CAST: variants seen among roughly 807,000 people sequenced by gnomAD.
The protein encoded by CAST is MIR583 host.
In CAST, 76 loss-of-function variants were observed where a neutral mutation model predicts 119.6. The ratio of observed to expected loss-of-function variants is 0.64; its 90% CI spans 0.53 to 0.77. CAST has a LOEUF of 0.77. CAST is among the 30% of genes least tolerant of loss of function. The pLI is 0.00. For synonymous variants in CAST, 319 were observed against 331.6 expected (o/e 0.96, Z 0.41); for missense variants, 953 against 946.5 (o/e 1.01, Z -0.09).
intron 20 of CAST, 41 bp from the exon 21 acceptor site, chr5:96,754,019 G>T: frequency 8.6e-7 from 1 of 1,166,754 alleles, no homozygotes; most frequent in South Asian, 1.2e-5. Context: ...TAAAGGGAGT[G>T]ATTAACCACC....
chr5:96,173,777 G>T, the CAST span, among the ~76,000 whole-genome samples: 2 of 148,830 alleles, frequency 1.3e-5, no homozygotes, highest in South Asian at 4.2e-4. Context: ...CGGAGTCTCT[G>T]TCGCCCAGGC....
the CAST span, among the ~76,000 whole-genome samples, chr5:96,240,931 G>A: frequency 6.6e-6 from 1 of 151,838 alleles, no homozygotes; most frequent in Non-Finnish European, 1.5e-5. Context: ...TTCACATATT[G>A]AATACTATAC....
At chr5:96,359,687 T>C in the CAST span, among the ~76,000 whole-genome samples, 1 of 152,244 alleles carries the variant, frequency 6.6e-6, no homozygotes, top group East Asian at 1.9e-4. Context: ...TTGTAGGGTT[T>C]CTGCAGAGAG....
chr5:96,429,687 G>A, the CAST span, among the ~76,000 whole-genome samples: 3,728 of 152,166 alleles, frequency 0.024, 151 homozygotes, highest in African/African-American at 0.085. Context: ...GCTCTCACTT[G>A]TGAGTGAGAA....
chr5:96,686,359 G>C (rs368057555), intron 2 of CAST, among the ~76,000 whole-genome samples: 1 of 152,084 alleles, frequency 6.6e-6, no homozygotes, highest in Non-Finnish European at 1.5e-5. Flanking sequence ...AGAAGAGAGA[G>C]AAACTAAAAT....
chr5:96,078,075 T>C, the CAST span, among the ~76,000 whole-genome samples: 12 of 152,352 alleles, frequency 7.9e-5, no homozygotes, highest in Admixed American at 3.9e-4. Flanking sequence ...GAAATTATCC[T>C]GCTTCTTGCT....
chr5:96,636,775 A>T (rs1747892067), intron 1 of CAST, among the ~76,000 whole-genome samples: 1 of 152,188 alleles, frequency 6.6e-6, no homozygotes, highest in Non-Finnish European at 1.5e-5. Flanking sequence ...AAGGGCTCAG[A>T]TGTGGCTTCT....
At chr5:96,372,683 G>A in the CAST span, among the ~76,000 whole-genome samples, 2 of 152,060 alleles carry the variant, frequency 1.3e-5, no homozygotes, top group Non-Finnish European at 2.9e-5. Flanking sequence ...TCTTTCTGGG[G>A]GGCCCCACAC....
the CAST span, among the ~76,000 whole-genome samples, chr5:96,164,195 G>A: frequency 6.6e-6 from 1 of 152,136 alleles, no homozygotes; most frequent in African/African-American, 2.4e-5. Flanking sequence ...ATACACATGT[G>A]TCTATTTATG....
At chr5:96,213,963 A>G in the CAST span, among the ~76,000 whole-genome samples, 1 of 152,214 alleles carries the variant, frequency 6.6e-6, no homozygotes, top group Non-Finnish European at 1.5e-5. Context: ...TACAAATGAG[A>G]ACAAAGTATA....
intron 1 of CAST, among the ~76,000 whole-genome samples, chr5:96,537,148 T>C (rs1315289910): frequency 6.6e-6 from 1 of 152,266 alleles, no homozygotes; most frequent in Non-Finnish European, 1.5e-5. Flanking sequence ...TGCTGCCTTG[T>C]TGGCTTCATG....
chr5:95,966,690 T>C, the CAST span, among the ~76,000 whole-genome samples: 1 of 152,354 alleles, frequency 6.6e-6, no homozygotes, highest in African/African-American at 2.4e-5. Flanking sequence ...CTATCTCTCC[T>C]TTCACATGTA....
At chr5:96,159,747 T>C in the CAST span, among the ~76,000 whole-genome samples, 2 of 152,338 alleles carry the variant, frequency 1.3e-5, no homozygotes, top group African/African-American at 4.8e-5. Flanking sequence ...CACTATTTTA[T>C]GTTTTATTTT....
the CAST span, among the ~76,000 whole-genome samples, chr5:96,436,004 C>T: frequency 1.3e-5 from 2 of 152,168 alleles, no homozygotes; most frequent in African/African-American, 2.4e-5. Context: ...AAAAACATTT[C>T]TAGACCCACA....
the CAST span, among the ~76,000 whole-genome samples, chr5:96,014,743 G>A: frequency 6.6e-6 from 1 of 152,100 alleles, no homozygotes; most frequent in Non-Finnish European, 1.5e-5. Flanking sequence ...GGGGGTTGGG[G>A]GTAGGAGAAG....
intron 1 of CAST, chr5:96,663,149 A>G: frequency 1.4e-6 from 1 of 702,624 alleles, no homozygotes; most frequent in Non-Finnish European, 2.6e-6. Context: ...GGCATTCGCC[A>G]GCTGGTGGTA....
chr5:96,519,540 C>T, the CAST span, among the ~76,000 whole-genome samples: 1 of 152,154 alleles, frequency 6.6e-6, no homozygotes, highest in South Asian at 2.1e-4. Flanking sequence ...AAATATGTGA[C>T]CACCTCTATC....
At chr5:96,596,786 T>C (rs1215680573) in intron 1 of CAST, among the ~76,000 whole-genome samples, 3 of 152,186 alleles carry the variant, frequency 2.0e-5, no homozygotes, top group Non-Finnish European at 4.4e-5. Flanking sequence ...AGGTTTTTTC[T>C]CACAGTCTGG....
At chr5:96,677,394 G>A (rs1049331097) in intron 2 of CAST, among the ~76,000 whole-genome samples, 5 of 152,124 alleles carry the variant, frequency 3.3e-5, no homozygotes, top group African/African-American at 7.2e-5. Flanking sequence ...AGGCATTATT[G>A]GTATGTAACA....
Sources: gnomAD v4.1 joint callset for allele counts (sites outside exome capture counted in the v4.1 genomes callset) on GRCh38, gnomAD v4.1.1 for gene constraint, MANE v1.5 for transcripts, NCBI Gene and HGNC (gene_info 2026-07-23, HGNC 2026-07-21) for gene names.